RAB18: variants seen among roughly 807,000 people sequenced by gnomAD.
RAB18 encodes the protein RAB18, member RAS oncogene family.
Under a neutral mutation model 28.5 loss-of-function variants are expected in RAB18, and 10 were observed. The observed-to-expected ratio is 0.35, with a 90% CI of 0.22 to 0.60. The LOEUF is 0.60. Among genes scored for constraint, RAB18 ranks in the 20% least tolerant of loss-of-function variants. The pLI is 0.78. For synonymous variants in RAB18, 93 were observed against 86.9 expected, an observed-to-expected ratio of 1.07 and a Z score of -0.39; for missense variants, 188 against 244.2, an observed-to-expected ratio of 0.77 and a Z score of 1.53.
At chr10:27,513,734 C>T (rs1834374288) in intron 2 of RAB18, among the ~76,000 whole-genome samples, 2 of 152,242 alleles carry the variant, frequency 1.3e-5, no homozygotes, top group Non-Finnish European at 2.9e-5. Context: ...GGTAGGATGC[C>T]GTGGCTGTGG....
Position 27,541,144 on chromosome 10 carries a change from A to C in RAB18, c.*3093A>C, listed in dbSNP as rs1158636100. On this transcript the variant is annotated 3_prime_UTR_variant, in exon 7 of 7. Transcript: ENST00000356940. ...TAGGAAGTTATTTTGTCTTTCCTGTATTTCCCTAGTTAAGTATAGGGGTAA... is the reference window on the plus strand; with the variant it reads ...TAGGAAGTTATTTTGTCTTTCCTGTCTTTCCCTAGTTAAGTATAGGGGTAA... 2.2e-6 allele frequency: 1 copy of C among 453,744 alleles called. No homozygotes were observed. Among genetic ancestry groups the C allele is most frequent in the African/African-American group, 2.0e-5 (1 of 49,904 alleles). 28.1% of individuals were successfully genotyped at this position (453,744 alleles called of 1,614,324 possible).
At chr10:27,527,116 C>G in intron 3 of RAB18, 1 of 635,458 alleles carries the variant, frequency 1.6e-6, no homozygotes, top group Non-Finnish European at 3.0e-6. Context: ...ATGAATATTT[C>G]AAAACAGAAC....
intron 1 of RAB18, among the ~76,000 whole-genome samples, chr10:27,507,044 G>A (rs1837860144): frequency 6.6e-6 from 1 of 152,208 alleles, no homozygotes; most frequent in African/African-American, 2.4e-5. Context: ...TGGATAAGAT[G>A]AGAATAAATG....
In RAB18 at chr10:27,521,506, A is replaced by G. The variant is rs376081151; in HGVS notation, c.125-5322A>G. Among the ~76,000 whole-genome samples, 3 of 152,366 alleles carry G rather than the reference A, an allele frequency of 2.0e-5. No individual in the cohort carries two copies. The South Asian group carries it at 6.2e-4, about 32-fold the overall frequency. ...ATGTGGCATATGCATACCATGGAAT[A>G]CCACTCAGCCATAAAAAGGAACAAA... On this transcript the variant is annotated intron_variant, in intron 2 of 6. Coordinates refer to ENST00000356940, the MANE Select transcript of RAB18 (RefSeq NM_021252.5).
intron 2 of RAB18, among the ~76,000 whole-genome samples, chr10:27,515,323 CCCT>C (rs1834416279): frequency 6.6e-6 from 1 of 151,878 alleles, no homozygotes; most frequent in African/African-American, 2.4e-5. Context: ...TTTTTATTTA[CCCT>C]GTTTTATGTA....
At chr10:27,531,333 C>T (rs772847279) in intron 3 of RAB18, among the ~76,000 whole-genome samples, 3 of 151,990 alleles carry the variant, frequency 2.0e-5, no homozygotes, top group Non-Finnish European at 4.4e-5. Context: ...TGCAGATCCT[C>T]CCTACTGTCT....
intron 1 of RAB18, among the ~76,000 whole-genome samples, chr10:27,507,937 G>C (rs1296097176): frequency 6.6e-6 from 1 of 151,672 alleles, no homozygotes; most frequent in Non-Finnish European, 1.5e-5. Flanking sequence ...CAGTTACTTG[G>C]GGGGCTAAGG....
chr10:27,521,635 A>G (rs1015375045), intron 2 of RAB18, among the ~76,000 whole-genome samples: 3 of 152,184 alleles, frequency 2.0e-5, no homozygotes, highest in African/African-American at 7.2e-5. Context: ...TTTATAAGTG[A>G]TAGCTAAGCT....
At position 27,537,982 on chromosome 10, in the gene RAB18, AGTCAAACT is replaced by A; in HGVS notation, c.557_564del (p.Lys186ThrfsTer30). ...GGGAAAGTGAGAACCAGAATAAAGG[AGTCAAACT>A]GTCACACAGGGAAGAAGGCCAAGGA... is the stretch of plus-strand genomic sequence containing the variant. On this transcript the variant is annotated frameshift_variant, in exon 7 of 7. Coordinates refer to ENST00000356940, the MANE Select transcript of RAB18 (RefSeq NM_021252.5). LOFTEE classifies it high-confidence loss of function. The A allele has an allele frequency of 6.2e-7, 1 of 1,614,124 alleles. No individual in the cohort carries two copies.
chr10:27,515,310 ATTTTT>A (rs1051788582), intron 2 of RAB18, among the ~76,000 whole-genome samples: 2 of 152,020 alleles, frequency 1.3e-5, no homozygotes, highest in African/African-American at 4.8e-5. Context: ...TAAGTTTTTT[ATTTTT>A]TTATTTACCC....
intron 3 of RAB18, among the ~76,000 whole-genome samples, chr10:27,530,521 G>A (rs1171891920): frequency 6.6e-6 from 1 of 151,334 alleles, no homozygotes; most frequent in Non-Finnish European, 1.5e-5. Flanking sequence ...TCTGGATACT[G>A]AATAATTTGA....
At position 27,526,861 on chromosome 10, in the gene RAB18, A is replaced by G. The variant is rs1216007062; in HGVS notation, c.158A>G (p.Asp53Gly). The G allele has an allele frequency of 5.0e-6, 8 of 1,613,186 alleles. No homozygotes were observed. The highest frequency in any genetic ancestry group is 6.8e-6 in the Non-Finnish European group (8 of 1,179,494). The change falls in exon 3 of 7, where the codon GAT becomes GGT. Residue 53 changes from aspartate (D) to glycine (G), a missense_variant. Physicochemically the swap from Asp to Gly is moderately conservative, Grantham distance 94 (BLOSUM62 -1). Transcript: ENST00000356940. ...VDFKVKTISV[D>G]GNKAKLAIWD... is the part of the protein sequence containing the mutation. ...TTTAAGGTGAAAACAATTTCAGTGGATGGAAATAAGGCTAAACTTGCAATA... is the reference window on the plus strand; with the variant it reads ...TTTAAGGTGAAAACAATTTCAGTGGGTGGAAATAAGGCTAAACTTGCAATA...
rs1482928502 is a variant in RAB18 at position 27,539,132 on chromosome 10, T to G, written c.*1081T>G. 5 of 376,318 alleles carry G rather than the reference T, an allele frequency of 1.3e-5. No individual in the cohort carries two copies. Among genetic ancestry groups the G allele is most frequent in the Non-Finnish European group, 2.6e-5 (5 of 192,120 alleles). 23.3% of individuals were successfully genotyped at this position (376,318 alleles called of 1,614,324 possible). Reference sequence around the variant, plus strand: ...AACCAGTAGTTCATCAAAACCAACTTGTACAGACTAATAAATCTTTTTCAC... The same window carrying G: ...AACCAGTAGTTCATCAAAACCAACTGGTACAGACTAATAAATCTTTTTCAC... On this transcript the variant is annotated 3_prime_UTR_variant, in exon 7 of 7. Coordinates refer to ENST00000356940, the MANE Select transcript of RAB18 (RefSeq NM_021252.5).
At chr10:27,535,868 C>T (rs779283518) in intron 6 of RAB18, among the ~76,000 whole-genome samples, 5 of 152,096 alleles carry the variant, frequency 3.3e-5, no homozygotes, top group Non-Finnish European at 5.9e-5. Flanking sequence ...AGGCGGATTA[C>T]GAGGTCAGGA....
intron 3 of RAB18, chr10:27,528,174 A>T (rs934478388): frequency 5.1e-6 from 2 of 392,804 alleles, no homozygotes; most frequent in Non-Finnish European, 5.0e-6. Context: ...AGTATCTGAG[A>T]CTTGCTGGTT....
Position 27,513,032 on chromosome 10 carries a change from A to ATATTT in RAB18, c.124+3103_124+3104insATTTT, listed in dbSNP as rs1190171231. ...GGTAATAACATATATATATATATAT[A>ATATTT]TTTTTTTTTTTTTTTTGGAGACAAG... is the stretch of plus-strand genomic sequence containing the variant. On this transcript the variant is annotated intron_variant, in intron 2 of 6. Coordinates refer to ENST00000356940, the MANE Select transcript of RAB18 (RefSeq NM_021252.5). Among the ~76,000 whole-genome samples, 379 of 142,558 alleles carry ATATTT rather than the reference A, an allele frequency of 2.7e-3. 2 individuals are homozygous for ATATTT. In the East Asian group the frequency reaches 0.033, roughly 12 times the overall value. The allele number at this position is 142,558 out of a possible 152,430, so 93.5% of individuals were successfully genotyped here.
intron 2 of RAB18, among the ~76,000 whole-genome samples, chr10:27,515,819 A>G (rs904898191): frequency 6.6e-6 from 1 of 152,186 alleles, no homozygotes; most frequent in Non-Finnish European, 1.5e-5. Context: ...TGTTGAATCA[A>G]TCTGATCCTC....
chr10:27,504,324 G>T lies in RAB18; in HGVS notation c.-46G>T. On this transcript the variant is annotated 5_prime_UTR_variant, in exon 1 of 7. In the 5' UTR this introduces an upstream ATG that the reference lacks. Transcript: ENST00000356940. The stretch of plus-strand genomic sequence containing the variant: ...AGCTCACTCTGCTGAAGGGCTGAGA[G>T]GCGCACCCGGGCGGCCAGCTGGGCT... 1 of 1,548,422 alleles carries T rather than the reference G, an allele frequency of 6.5e-7. No individual in the cohort carries two copies. The highest frequency in any genetic ancestry group is 1.2e-5 in the South Asian group (1 of 84,354).
chr10:27,504,818 C>T, intron 1 of RAB18: 1 of 485,372 alleles, frequency 2.1e-6, no homozygotes, highest in Non-Finnish European at 4.1e-6. Context: ...TTCAGGCTGC[C>T]TGCCACCCCG....
Sources: allele counts gnomAD v4.1 joint callset (sites outside exome capture counted in the v4.1 genomes callset), GRCh38; gene constraint gnomAD v4.1.1; transcripts MANE v1.5; gene names NCBI Gene and HGNC (gene_info 2026-07-23, HGNC 2026-07-21).